Variants in WASL observed in about 807,000 individuals in gnomAD.
WASL encodes the protein WASP like actin nucleation promoting factor.
In WASL, 20 loss-of-function variants were observed where a neutral mutation model predicts 55.5. That is an observed-to-expected ratio of 0.36 (90% CI 0.25 to 0.52). The LOEUF (loss-of-function observed/expected upper bound fraction) is 0.52, where lower values mean the gene tolerates loss of function less well. Ranked by LOEUF, WASL falls within the 20% of genes least tolerant of loss-of-function variation. The probability of loss-of-function intolerance (pLI) is 0.92; values close to 1 mark genes in which losing one functional copy is unlikely to be tolerated. For missense variants in WASL, 504 were observed against 622.5 expected (o/e 0.81, Z 2.03); for synonymous variants, 249 against 217.6 (o/e 1.14, Z -1.27).
intron 1 of WASL, among the ~76,000 whole-genome samples, chr7:123,722,518 T>C (rs1803965447): frequency 6.6e-6 from 1 of 152,116 alleles, no homozygotes; most frequent in African/African-American, 2.4e-5. Flanking sequence ...AGGAGATATG[T>C]TTAGAAAAAT....
At position 123,684,454 on chromosome 7, in the gene WASL, CCA is replaced by C. The variant is rs1803254353; in HGVS notation, c.*63_*64del. 2.0e-6 allele frequency: 1 copy of C among 510,040 alleles called. No homozygotes were observed. Among genetic ancestry groups the C allele is most frequent in the South Asian group, 4.4e-5 (1 of 22,608 alleles). The allele number at this position is 510,040 out of a possible 1,614,324, so 31.6% of individuals were successfully genotyped here. A position where few individuals can be genotyped will look rare whatever the true frequency, so the allele number is the denominator to read the frequency against. On this transcript the variant is annotated 3_prime_UTR_variant, in exon 11 of 11. Transcript: ENST00000223023. ...CATTTACATGATAATTTTACAGAATCCACAGACAGAAAGTAGTGTTTAGTATT... is the reference window on the plus strand; with the variant it reads ...CATTTACATGATAATTTTACAGAATCCAGACAGAAAGTAGTGTTTAGTATT...
intron 10 of WASL, among the ~76,000 whole-genome samples, chr7:123,685,308 A>G (rs1296815514): frequency 1.3e-5 from 2 of 151,928 alleles, no homozygotes; most frequent in East Asian, 3.9e-4. Context: ...TGATTTGTCC[A>G]GTTATTGTCT....
At position 123,692,567 on chromosome 7, in the gene WASL, G is replaced by A. The variant is rs765790894; in HGVS notation, c.1127C>T (p.Pro376Leu). The A allele has an allele frequency of 1.7e-5, 28 of 1,613,098 alleles. No homozygotes were observed. The highest frequency in any genetic ancestry group is 8.9e-5 in the East Asian group (4 of 44,868). The change falls in exon 9 of 11, where the codon CCG becomes CTG. Residue 376 changes from proline (P) to leucine (L), a missense_variant. By Grantham distance (98) the Pro-to-Leu change is moderately conservative. This residue lies in a region of WASL where 201 missense variants were observed against 206.2 expected (regional missense o/e 0.97). Coordinates refer to ENST00000223023, the MANE Select transcript of WASL (RefSeq NM_003941.4). ...LGVGPVAPPP[P>L]PPPPPPPGPP... Reference sequence around the variant, plus strand: ...CCCAGGAGGAGGTGGAGGTGGAGGCGGTGGGGGTGGTGCCACTGGCCCTAC... The same window carrying A: ...CCCAGGAGGAGGTGGAGGTGGAGGCAGTGGGGGTGGTGCCACTGGCCCTAC...
chr7:123,696,880 CA>C, intron 5 of WASL, 133 bp from the exon 6 acceptor site: 3 of 663,214 alleles, frequency 4.5e-6, no homozygotes, highest in Non-Finnish European at 4.2e-6. Context: ...TAAACTTCTA[CA>C]TTTTTTTCAT....
intron 10 of WASL, among the ~76,000 whole-genome samples, chr7:123,686,393 T>G (rs1300805512): frequency 2.0e-5 from 3 of 152,090 alleles, no homozygotes; most frequent in Non-Finnish European, 4.4e-5. Context: ...CACCTGACTA[T>G]GCTGGCATTA....
At chr7:123,700,818 T>G (rs570081095) in intron 5 of WASL, among the ~76,000 whole-genome samples, 1 of 152,346 alleles carries the variant, frequency 6.6e-6, no homozygotes, top group South Asian at 2.1e-4. Context: ...AATGTCATAA[T>G]ACATTCTTTG....
At chr7:123,692,977 G>T (rs1803437959) in intron 8 of WASL, 110 bp from the exon 9 acceptor site, 2 of 1,274,112 alleles carry the variant, frequency 1.6e-6, no homozygotes, top group South Asian at 3.3e-5. Context: ...CCAAAAAAGG[G>T]TCTCATCTTT....
At chr7:123,729,950 T>C (rs936301900) in intron 1 of WASL, among the ~76,000 whole-genome samples, 3 of 152,140 alleles carry the variant, frequency 2.0e-5, no homozygotes, top group Non-Finnish European at 4.4e-5. Flanking sequence ...AACCTAAAAA[T>C]TCCTATTGGA....
chr7:123,736,882 T>C (rs1235036037), intron 1 of WASL, among the ~76,000 whole-genome samples: 2 of 152,128 alleles, frequency 1.3e-5, no homozygotes, highest in Admixed American at 6.5e-5. Context: ...AAAAAAACAC[T>C]AAGCACATGC....
In WASL at chr7:123,706,753, G is replaced by T; in HGVS notation, c.326C>A (p.Thr109Asn). ...VYNSPRGYFH[T>N]FAGDTCQVAL... ...AATATGACTTACATCTCCAGCAAAG[G>T]TATGAAAATATCCTCTAGGACTATT... Residue 109 changes from threonine (T) to asparagine (N), a missense_variant, in exon 3 of 11, where the codon ACC becomes AAC. Around this residue, in one of 5 missense-constraint regions of WASL, gnomAD observed 230 missense variants for 271.9 expected, o/e 0.85. Transcript: ENST00000223023. 6.4e-7 allele frequency: 1 copy of T among 1,571,228 alleles called. No individual in the cohort carries two copies. The highest frequency in any genetic ancestry group is 8.6e-7 in the Non-Finnish European group (1 of 1,163,948).
At chr7:123,726,320 G>GA (rs1804038544) in intron 1 of WASL, among the ~76,000 whole-genome samples, 1 of 151,998 alleles carries the variant, frequency 6.6e-6, no homozygotes, top group Admixed American at 6.6e-5. Context: ...AAACTGTAAA[G>GA]AAAAAATTCA....
In WASL at chr7:123,682,744, T is replaced by C. The variant is rs1803217594; in HGVS notation, c.*1775A>G. ...ACTCCTGATTTTATTGGTTAGTAGTTGTCCAGCCTCATCTGCACCAGATTG... is the reference window on the plus strand; with the variant it reads ...ACTCCTGATTTTATTGGTTAGTAGTCGTCCAGCCTCATCTGCACCAGATTG... On this transcript the variant is annotated 3_prime_UTR_variant, in exon 11 of 11. Coordinates refer to ENST00000223023, the MANE Select transcript of WASL (RefSeq NM_003941.4). 1 of 152,160 alleles carries C rather than the reference T, an allele frequency of 6.6e-6. No individual in the cohort carries two copies. Among genetic ancestry groups the C allele is most frequent in the Admixed American group, 6.6e-5 (1 of 15,262 alleles). 9.4% of individuals were successfully genotyped at this position (152,160 alleles called of 1,614,324 possible). A position where few individuals can be genotyped will look rare whatever the true frequency, so the allele number is the denominator to read the frequency against.
chr7:123,719,805 T>A (rs1190100982), intron 1 of WASL, among the ~76,000 whole-genome samples: 3 of 152,162 alleles, frequency 2.0e-5, no homozygotes, highest in Non-Finnish European at 4.4e-5. Context: ...TTTCTGTAGT[T>A]ACAACTGTCT....
chr7:123,697,662 T>C (rs963253272), intron 5 of WASL, among the ~76,000 whole-genome samples: 6 of 152,198 alleles, frequency 3.9e-5, no homozygotes, highest in African/African-American at 1.2e-4. Context: ...TGAAATACTA[T>C]CATCGTTGTG....
intron 1 of WASL, among the ~76,000 whole-genome samples, chr7:123,731,840 T>C (rs1387079806): frequency 4.6e-5 from 7 of 152,006 alleles, no homozygotes; most frequent in Admixed American, 4.6e-4. Flanking sequence ...CCTAAGTATC[T>C]AACTTACGAA....
intron 1 of WASL, among the ~76,000 whole-genome samples, chr7:123,743,823 G>A (rs1804387659): frequency 6.6e-6 from 1 of 152,128 alleles, no homozygotes; most frequent in Non-Finnish European, 1.5e-5. Flanking sequence ...AAATGTCCCT[G>A]TATTATATAT....
chr7:123,729,761 G>A (rs1804108367), intron 1 of WASL, among the ~76,000 whole-genome samples: 1 of 152,106 alleles, frequency 6.6e-6, no homozygotes. Context: ...ACTATTCTAT[G>A]AGCATTACTT....
At chr7:123,706,454 G>A (rs1803670668) in intron 3 of WASL, 81 bp from the exon 4 acceptor site, 1 of 1,319,254 alleles carries the variant, frequency 7.6e-7, no homozygotes. Context: ...AGGAAAAGAA[G>A]TATATTTCTA....
chr7:123,739,951 C>A (rs1429558795), intron 1 of WASL, among the ~76,000 whole-genome samples: 1 of 147,350 alleles, frequency 6.8e-6, no homozygotes, highest in African/African-American at 2.5e-5. Context: ...CAGCATATAT[C>A]TTTTTGTGCA....
Sources: allele counts gnomAD v4.1 joint callset (sites outside exome capture counted in the v4.1 genomes callset), GRCh38; gene constraint gnomAD v4.1.1; regional missense constraint gnomAD v4.1.1; transcripts MANE v1.5; gene names NCBI Gene and HGNC (gene_info 2026-07-23, HGNC 2026-07-21).